The following IMMP2L variants were observed in gnomAD, a reference collection of about 807,000 sequenced individuals.
The protein encoded by IMMP2L is mitochondrial inner membrane protease subunit 2.
IMMP2L carries 18 observed loss-of-function variants against 19.3 expected under a neutral mutation model. That is an observed-to-expected ratio of 0.93 (90% CI 0.64 to 1.38). The LOEUF is 1.38. Among genes scored for constraint, IMMP2L ranks in the 40% most tolerant of loss-of-function variants. The pLI is 0.00. For synonymous variants in IMMP2L, 76 were observed against 73.0 expected, an observed-to-expected ratio of 1.04 and a Z score of -0.21; for missense variants, 233 against 218.2, an observed-to-expected ratio of 1.07 and a Z score of -0.43.
At chr7:110,817,776 T>G (rs112465183) in intron 5 of IMMP2L, among the ~76,000 whole-genome samples, 11 of 152,040 alleles carry the variant, frequency 7.2e-5, no homozygotes, top group African/African-American at 2.4e-4. Context: ...TATAGATCAA[T>G]GGAACAGAAC....
intron 4 of IMMP2L, among the ~76,000 whole-genome samples, chr7:110,955,089 TA>T (rs1206512184): frequency 1.3e-5 from 2 of 152,016 alleles, no homozygotes; most frequent in African/African-American, 4.8e-5. Context: ...ATTCTATATA[TA>T]ATCTTAAATA....
chr7:110,895,795 T>C (rs1415239018), intron 4 of IMMP2L, among the ~76,000 whole-genome samples: 2 of 152,208 alleles, frequency 1.3e-5, no homozygotes, highest in Non-Finnish European at 2.9e-5. Flanking sequence ...TTTTAAAAGA[T>C]ATTTTAAAAT....
intron 3 of IMMP2L, among the ~76,000 whole-genome samples, chr7:111,092,710 A>G (rs931533935): frequency 9.2e-5 from 14 of 152,170 alleles, no homozygotes; most frequent in South Asian, 2.1e-4. Context: ...TTTACTTCCA[A>G]TCTTGTAAAG....
intron 3 of IMMP2L, among the ~76,000 whole-genome samples, chr7:111,257,689 C>T (rs889726115): frequency 6.6e-6 from 1 of 152,224 alleles, no homozygotes; most frequent in Non-Finnish European, 1.5e-5. Context: ...TCATTATAAG[C>T]TTAAACTAGC....
chr7:110,814,927 C>G, intron 5 of IMMP2L, among the ~76,000 whole-genome samples: 1 of 151,848 alleles, frequency 6.6e-6, no homozygotes, highest in East Asian at 1.9e-4. Flanking sequence ...AAAAATGAAA[C>G]ACATGGTAGT....
intron 3 of IMMP2L, among the ~76,000 whole-genome samples, chr7:111,315,960 C>T (rs1040840784): frequency 2.6e-5 from 4 of 152,028 alleles, no homozygotes; most frequent in Admixed American, 1.3e-4. Flanking sequence ...CATAATTGTG[C>T]GAACATCACA....
intron 3 of IMMP2L, among the ~76,000 whole-genome samples, chr7:111,351,793 C>T (rs1828192162): frequency 6.6e-6 from 1 of 152,158 alleles, no homozygotes; most frequent in Non-Finnish European, 1.5e-5. Context: ...TATTGTCCAT[C>T]TCAATTTCAT....
At chr7:110,949,065 T>G (rs1817532608) in intron 4 of IMMP2L, among the ~76,000 whole-genome samples, 1 of 152,188 alleles carries the variant, frequency 6.6e-6, no homozygotes, top group African/African-American at 2.4e-5. Context: ...CTTCCCTTGT[T>G]TTGAGACATT....
At chr7:111,375,133 A>G (rs937216939) in intron 3 of IMMP2L, among the ~76,000 whole-genome samples, 2 of 152,076 alleles carry the variant, frequency 1.3e-5, no homozygotes, top group Non-Finnish European at 2.9e-5. Flanking sequence ...GATGTAAACT[A>G]TAGACTAAAA....
rs376565062 is a variant in IMMP2L, at chr7:110,928,499, TGA to T, written c.305+34999_305+35000del. Among the ~76,000 whole-genome samples, 34 of 36,062 alleles carry T rather than the reference TGA, an allele frequency of 9.4e-4. 1 individual carries two copies. Among genetic ancestry groups the T allele is most frequent in the East Asian group, 9.3e-3 (2 of 214 alleles). The allele number at this position is 36,062 out of a possible 152,430, so 23.7% of individuals were successfully genotyped here. Reference sequence around the variant, plus strand: ...ACAAAAAAAAAAAAAAGGAAAACGATGATTTTTAAAAGTTCAGTGTACACACA... The same window carrying T: ...ACAAAAAAAAAAAAAAGGAAAACGATTTTTTAAAAGTTCAGTGTACACACA... On this transcript the variant is annotated intron_variant, in intron 4 of 5. Transcript: ENST00000405709.
At chr7:111,155,879 G>C (rs774753622) in intron 3 of IMMP2L, among the ~76,000 whole-genome samples, 24 of 151,882 alleles carry the variant, frequency 1.6e-4, no homozygotes, top group Non-Finnish European at 3.1e-4. Flanking sequence ...CAGTGATTTT[G>C]CCTCTTTAAA....
At position 111,132,896 on chromosome 7, in the gene IMMP2L, T is replaced by G. The variant is rs576887505; in HGVS notation, c.240-169331A>C. Among the ~76,000 whole-genome samples, 187 of 152,122 alleles carry G rather than the reference T, an allele frequency of 1.2e-3. 1 individual carries two copies. The highest frequency in any genetic ancestry group is 4.3e-3 in the African/African-American group (177 of 41,566). On this transcript the variant is annotated intron_variant, in intron 3 of 5. Coordinates refer to ENST00000405709, the MANE Select transcript of IMMP2L (RefSeq NM_032549.4). Reference sequence around the variant, plus strand: ...GAGATTCTATGGAATTAAATTGACATGCAGAAATATTTTCATGTATAAAGA... The same window carrying G: ...GAGATTCTATGGAATTAAATTGACAGGCAGAAATATTTTCATGTATAAAGA...
intron 5 of IMMP2L, among the ~76,000 whole-genome samples, chr7:110,861,081 G>A (rs1263925495): frequency 9.7e-6 from 1 of 102,588 alleles, no homozygotes; most frequent in Admixed American, 9.7e-5. Flanking sequence ...GTGTGTGTGT[G>A]TGTGTGTGTG....
intron 3 of IMMP2L, among the ~76,000 whole-genome samples, chr7:111,008,005 T>C (rs955987936): frequency 6.6e-6 from 1 of 152,168 alleles, no homozygotes; most frequent in African/African-American, 2.4e-5. Flanking sequence ...GTCTTGTTAG[T>C]TCTTCCTTCA....
intron 4 of IMMP2L, among the ~76,000 whole-genome samples, chr7:110,929,723 A>G (rs1403903109): frequency 6.6e-6 from 1 of 152,190 alleles, no homozygotes; most frequent in Non-Finnish European, 1.5e-5. Flanking sequence ...GAATCTGCAA[A>G]GCTAAATAAC....
intron 4 of IMMP2L, among the ~76,000 whole-genome samples, chr7:110,904,013 T>G (rs1812195999): frequency 6.6e-6 from 1 of 152,114 alleles, no homozygotes. Flanking sequence ...GTTTGCCATG[T>G]GTATGTCTAC....
intron 3 of IMMP2L, among the ~76,000 whole-genome samples, chr7:110,993,300 A>G (rs759464125): frequency 2.6e-5 from 4 of 152,112 alleles, no homozygotes; most frequent in Non-Finnish European, 4.4e-5. Flanking sequence ...ACATAAGTTA[A>G]CTGTACAATC....
intron 1 of IMMP2L, among the ~76,000 whole-genome samples, chr7:111,544,654 T>C (rs1848761259): frequency 6.6e-6 from 1 of 152,046 alleles, no homozygotes; most frequent in South Asian, 2.1e-4. Context: ...CTGGGAAAAA[T>C]CGAAAAGGTG....
chr7:110,846,348 C>CTTTT (rs919194286), intron 5 of IMMP2L, among the ~76,000 whole-genome samples: 32 of 126,406 alleles, frequency 2.5e-4, no homozygotes, highest in African/African-American at 4.2e-4. Context: ...ACCCTGATTT[C>CTTTT]TTTTTTTTTT....
Sources: gnomAD v4.1 joint callset for allele counts (sites outside exome capture counted in the v4.1 genomes callset) on GRCh38, gnomAD v4.1.1 for gene constraint, MANE v1.5 for transcripts, NCBI Gene and HGNC (gene_info 2026-07-23, HGNC 2026-07-21) for gene names.